THSD7B: variants seen among roughly 807,000 people sequenced by gnomAD.
The protein encoded by THSD7B is thrombospondin type 1 domain containing 7B.
THSD7B carries 138 observed loss-of-function variants against 213.6 expected under a neutral mutation model. That is an observed-to-expected ratio of 0.65 (90% CI 0.56 to 0.74). The LOEUF is 0.74. Among genes scored for constraint, THSD7B ranks in the 30% least tolerant of loss-of-function variants. The pLI is 0.00. For missense variants in THSD7B, 1,931 were observed against 1,991.5 expected (o/e 0.97, Z 0.58); for synonymous variants, 742 against 687.0 (o/e 1.08, Z -1.25).
At chr2:137,078,844 A>G (rs374269191) in intron 3 of THSD7B, among the ~76,000 whole-genome samples, 4 of 151,974 alleles carry the variant, frequency 2.6e-5, no homozygotes, top group Middle Eastern at 3.4e-3. Context: ...TCTTGTTTGT[A>G]TTGCTCCTTT....
At chr2:137,498,247 A>G (rs867881344) in intron 15 of THSD7B, among the ~76,000 whole-genome samples, 1 of 152,180 alleles carries the variant, frequency 6.6e-6, no homozygotes, top group Non-Finnish European at 1.5e-5. Context: ...ATCATGTGCC[A>G]AGATACCGTG....
chr2:137,052,499 T>C (rs1687086959), intron 2 of THSD7B, among the ~76,000 whole-genome samples: 1 of 152,132 alleles, frequency 6.6e-6, no homozygotes, highest in African/African-American at 2.4e-5. Context: ...ACATAGTTTC[T>C]TATGTATTTC....
chr2:137,293,164 A>C (rs1359922204), intron 12 of THSD7B, among the ~76,000 whole-genome samples: 1 of 151,196 alleles, frequency 6.6e-6, no homozygotes, highest in Admixed American at 6.6e-5. Context: ...TTCTTTTGAG[A>C]CATGGTCTGT....
At chr2:137,238,489 A>G (rs1681817860) in intron 9 of THSD7B, among the ~76,000 whole-genome samples, 1 of 141,166 alleles carries the variant, frequency 7.1e-6, no homozygotes, top group Admixed American at 7.1e-5. Context: ...TTACCAGAGT[A>G]GCTTGTTTAA....
At chr2:137,226,876 A>G (rs1681518460) in intron 7 of THSD7B, among the ~76,000 whole-genome samples, 2 of 146,822 alleles carry the variant, frequency 1.4e-5, no homozygotes, top group Non-Finnish European at 3.1e-5. Flanking sequence ...ATTTCAGTAT[A>G]TACATACAAT....
At chr2:136,929,182 T>C (rs1322443688) in intron 2 of THSD7B, among the ~76,000 whole-genome samples, 1 of 152,244 alleles carries the variant, frequency 6.6e-6, no homozygotes, top group African/African-American at 2.4e-5. Context: ...ATTGCCCGTT[T>C]GCTCTGTTTC....
At chr2:137,505,713 G>A (rs1420634817) in intron 15 of THSD7B, among the ~76,000 whole-genome samples, 1 of 152,214 alleles carries the variant, frequency 6.6e-6, no homozygotes, top group Non-Finnish European at 1.5e-5. Flanking sequence ...ATGAGAAGGT[G>A]ACTGCCATTG....
intron 15 of THSD7B, among the ~76,000 whole-genome samples, chr2:137,495,493 G>T (rs926924472): frequency 1.4e-4 from 21 of 152,228 alleles, no homozygotes; most frequent in African/African-American, 4.8e-4. Flanking sequence ...TTACGGAAGT[G>T]TTCTTCTCAA....
chr2:137,032,725 A>G (rs796330099), intron 2 of THSD7B, among the ~76,000 whole-genome samples: 22 of 152,308 alleles, frequency 1.4e-4, no homozygotes, highest in African/African-American at 5.1e-4. Context: ...TGGAAGGTAG[A>G]TTTTAGAAAG....
chr2:137,085,475 C>G (rs1687820614), intron 3 of THSD7B, among the ~76,000 whole-genome samples: 1 of 150,884 alleles, frequency 6.6e-6, no homozygotes, highest in African/African-American at 2.4e-5. Context: ...GTTATGAGAA[C>G]AAGATAATAT....
chr2:136,954,132 TA>T (rs1364380987), intron 2 of THSD7B, among the ~76,000 whole-genome samples: 1 of 152,146 alleles, frequency 6.6e-6, no homozygotes, highest in Non-Finnish European at 1.5e-5. Context: ...TCGGTTGTTT[TA>T]AAAAATCATT....
At chr2:137,503,752 C>T (rs1194199354) in intron 15 of THSD7B, among the ~76,000 whole-genome samples, 1 of 152,024 alleles carries the variant, frequency 6.6e-6, no homozygotes, top group African/African-American at 2.4e-5. Flanking sequence ...GTGAGCCGGG[C>T]GCGGTAGCTC....
chr2:137,531,778 C>T (rs1290636247), intron 15 of THSD7B, among the ~76,000 whole-genome samples: 1 of 151,886 alleles, frequency 6.6e-6, no homozygotes, highest in Non-Finnish European at 1.5e-5. Context: ...TGCTCATGTG[C>T]TTTATACCAC....
intron 15 of THSD7B, among the ~76,000 whole-genome samples, chr2:137,488,855 G>A (rs1043365208): frequency 6.6e-6 from 1 of 152,198 alleles, no homozygotes; most frequent in Admixed American, 6.5e-5. Context: ...GAGCCACAGA[G>A]AGAGTATATG....
intron 15 of THSD7B, among the ~76,000 whole-genome samples, chr2:137,534,976 A>T (rs1438205771): frequency 6.6e-6 from 1 of 151,166 alleles, no homozygotes; most frequent in Non-Finnish European, 1.5e-5. Context: ...CATCTGCCTT[A>T]ATTATGCATA....
chr2:137,539,391 A>T (rs1297566522), intron 15 of THSD7B, among the ~76,000 whole-genome samples: 1 of 151,704 alleles, frequency 6.6e-6, no homozygotes, highest in Non-Finnish European at 1.5e-5. Context: ...TTCCAGACCT[A>T]TTCTGCCTTA....
At chr2:137,268,897 A>C (rs759671317) in intron 10 of THSD7B, among the ~76,000 whole-genome samples, 1 of 152,134 alleles carries the variant, frequency 6.6e-6, no homozygotes, top group Non-Finnish European at 1.5e-5. Context: ...GTTTCCCACA[A>C]CACCACTTAA....
chr2:136,846,880 A>G (rs911769353), intron 1 of THSD7B, among the ~76,000 whole-genome samples: 1 of 152,162 alleles, frequency 6.6e-6, no homozygotes, highest in Non-Finnish European at 1.5e-5. Flanking sequence ...TAATAAAAAT[A>G]GTGATGAAAA....
At chr2:137,551,752 G>A (rs865927067) in intron 15 of THSD7B, among the ~76,000 whole-genome samples, 3 of 152,188 alleles carry the variant, frequency 2.0e-5, no homozygotes, top group Middle Eastern at 3.4e-3. Context: ...CAAACCAGGC[G>A]TGATGGGAAG....
Sources: allele counts gnomAD v4.1 joint callset (sites outside exome capture counted in the v4.1 genomes callset), GRCh38; gene constraint gnomAD v4.1.1; transcripts MANE v1.5; gene names NCBI Gene and HGNC (gene_info 2026-07-23, HGNC 2026-07-21).